The following ARNT2 variants were observed in gnomAD, a reference collection of about 807,000 sequenced individuals.
The protein encoded by ARNT2 is aryl hydrocarbon receptor nuclear translocator 2.
In ARNT2, 36 loss-of-function variants were observed where a neutral mutation model predicts 91.7. The observed-to-expected ratio is 0.39, with a 90% CI of 0.30 to 0.52. ARNT2 has a LOEUF of 0.52. ARNT2 is among the 20% of genes least tolerant of loss of function. ARNT2 has a pLI of 0.72. For synonymous variants in ARNT2, 365 were observed against 347.1 expected, an observed-to-expected ratio of 1.05 and a Z score of -0.57; for missense variants, 775 against 939.3, an observed-to-expected ratio of 0.83 and a Z score of 2.29.
intron 8 of ARNT2, among the ~76,000 whole-genome samples, chr15:80,550,350 G>C (rs1468743923): frequency 6.6e-6 from 1 of 152,162 alleles, no homozygotes; most frequent in Non-Finnish European, 1.5e-5. Flanking sequence ...GTGAGGGGCT[G>C]TCACTGTACT....
Position 80,450,894 on chromosome 15 carries a change from A to C in ARNT2, c.46A>C (p.Ile16Leu). 6.2e-7 allele frequency: 1 copy of C among 1,614,220 alleles called. No individual in the cohort carries two copies. The highest frequency in any genetic ancestry group is 8.5e-7 in the Non-Finnish European group (1 of 1,180,038). The change falls in exon 2 of 19, where the codon ATA (isoleucine) becomes CTA (leucine). Residue 16 changes from isoleucine (I) to leucine (L), a missense_variant. Physicochemically the swap from Ile to Leu is conservative, Grantham distance 5 (BLOSUM62 2). Coordinates refer to ENST00000303329, the MANE Select transcript of ARNT2 (RefSeq NM_014862.4). ...AVNPPEMASD[I>L]PGSVTLPVAP... The stretch of plus-strand genomic sequence containing the variant: ...CTGAATTCCAGAAATGGCTTCAGAC[A>C]TACCTGGATCTGTGACGTTGCCCGT...
intron 4 of ARNT2, among the ~76,000 whole-genome samples, chr15:80,474,197 G>A (rs1382188561): frequency 6.6e-6 from 1 of 152,142 alleles, no homozygotes; most frequent in African/African-American, 2.4e-5. Context: ...CCCCATCCAC[G>A]TCCTTCTGAG....
At chr15:80,421,411 G>A (rs79609672) in intron 1 of ARNT2, among the ~76,000 whole-genome samples, 3 of 69,642 alleles carry the variant, frequency 4.3e-5, no homozygotes, top group African/African-American at 5.4e-5. Context: ...AGAAAAGAAA[G>A]GAAGGAAAGG....
At chr15:80,580,328 G>A (rs1003785761) in intron 15 of ARNT2, 83 bp from the exon 16 acceptor site, 3 of 1,534,670 alleles carry the variant, frequency 2.0e-6, no homozygotes, top group Non-Finnish European at 2.7e-6. Context: ...GATGGCCCAG[G>A]GCAGATTGTG....
intron 8 of ARNT2, among the ~76,000 whole-genome samples, chr15:80,548,780 T>C (rs1183531542): frequency 1.3e-5 from 2 of 152,158 alleles, no homozygotes; most frequent in East Asian, 3.8e-4. Flanking sequence ...GAAAACATCC[T>C]TTGTTCTTGG....
chr15:80,515,352 A>C (rs1238965506), intron 8 of ARNT2, among the ~76,000 whole-genome samples: 1 of 152,254 alleles, frequency 6.6e-6, no homozygotes, highest in African/African-American at 2.4e-5. Context: ...CCAAGTGATG[A>C]ATAGATAAAT....
At chr15:80,433,651 T>C (rs1896045108) in intron 1 of ARNT2, 1 of 152,212 alleles carries the variant, frequency 6.6e-6, no homozygotes, top group African/African-American at 2.4e-5. Flanking sequence ...GATACCATTT[T>C]GTTACTGGAG....
chr15:80,494,323 C>T (rs893055676), intron 5 of ARNT2, among the ~76,000 whole-genome samples: 18 of 152,208 alleles, frequency 1.2e-4, no homozygotes, highest in African/African-American at 3.9e-4. Context: ...TAGCAAACTG[C>T]GAAGGAGGGA....
chr15:80,578,829 G>A (rs1898735456), intron 15 of ARNT2, among the ~76,000 whole-genome samples: 3 of 152,218 alleles, frequency 2.0e-5, no homozygotes, highest in East Asian at 1.9e-4. Context: ...TAGGGCTAAA[G>A]CCTGTGGAAT....
intron 1 of ARNT2, among the ~76,000 whole-genome samples, chr15:80,446,696 T>A (rs908727787): frequency 6.6e-6 from 1 of 152,242 alleles, no homozygotes; most frequent in African/African-American, 2.4e-5. Context: ...ATTTACTTTA[T>A]AGGGTGGATG....
rs114590247 is a variant in ARNT2 at position 80,513,485 on chromosome 15, T to C, written c.726-426T>C. Among the ~76,000 whole-genome samples, 942 of 152,328 alleles carry C rather than the reference T, an allele frequency of 6.2e-3. 14 individuals are homozygous for C. The highest frequency in any genetic ancestry group is 0.022 in the African/African-American group (902 of 41,582). ...TGAGAAGATGTTACTGTTCATTAAC[T>C]GGCAACATCTGTTTTAAGTTGATGT... is the stretch of plus-strand genomic sequence containing the variant. On this transcript the variant is annotated intron_variant, in intron 6 of 18. Coordinates refer to ENST00000303329, the MANE Select transcript of ARNT2 (RefSeq NM_014862.4).
chr15:80,528,807 A>G (rs1329891700), intron 8 of ARNT2, among the ~76,000 whole-genome samples: 4 of 152,106 alleles, frequency 2.6e-5, no homozygotes, highest in African/African-American at 9.7e-5. Flanking sequence ...TGCTTTTTAT[A>G]CATCCTGCAG....
chr15:80,569,611 G>C (rs1362910098), intron 12 of ARNT2, among the ~76,000 whole-genome samples: 2 of 152,222 alleles, frequency 1.3e-5, no homozygotes, highest in African/African-American at 4.8e-5. Flanking sequence ...AGAGCAGTTA[G>C]GGTCCTGGGG....
At chr15:80,409,027 C>T (rs1895644901) in intron 1 of ARNT2, among the ~76,000 whole-genome samples, 1 of 152,144 alleles carries the variant, frequency 6.6e-6, no homozygotes, top group African/African-American at 2.4e-5. Context: ...TCAACATTCC[C>T]CAGCAGAGTA....
chr15:80,404,834 A>G lies in ARNT2; in HGVS notation c.31+288A>G, dbSNP rs1895574921. 6.6e-6 allele frequency among the ~76,000 whole-genome samples: 1 copy of G among 152,124 alleles called. No individual in the cohort carries two copies. Among genetic ancestry groups the G allele is most frequent in the Admixed American group, 6.5e-5 (1 of 15,290 alleles). On this transcript the variant is annotated intron_variant, in intron 1 of 18. Transcript: ENST00000303329. The surrounding 1 kb of genome is among the most constrained non-coding windows in gnomAD (Gnocchi z 5.5). ...CGAAGGGCAGGCCCGGGAGCCCCCG[A>G]AGTTCTGAAAATAACCGCCTTTGCC...
At chr15:80,444,233 G>A (rs1896246387) in intron 1 of ARNT2, 1 of 154,042 alleles carries the variant, frequency 6.5e-6, no homozygotes, top group South Asian at 2.0e-4. Flanking sequence ...GGGCTGTGGG[G>A]TCCCAGGGCT....
At chr15:80,559,396 T>C (rs1376532158) in intron 11 of ARNT2, among the ~76,000 whole-genome samples, 1 of 152,176 alleles carries the variant, frequency 6.6e-6, no homozygotes, top group African/African-American at 2.4e-5. Flanking sequence ...AGGGACATCC[T>C]GGAGCACACC....
chr15:80,539,517 G>T (rs775554980), intron 8 of ARNT2, among the ~76,000 whole-genome samples: 4 of 151,924 alleles, frequency 2.6e-5, no homozygotes, highest in Admixed American at 2.6e-4. Context: ...ATATTAGAAG[G>T]GTTCTCAAAA....
chr15:80,580,677 A>C (rs540245770), intron 16 of ARNT2, 128 bp downstream of exon 16: 2 of 1,263,334 alleles, frequency 1.6e-6, no homozygotes, highest in South Asian at 2.9e-5. Context: ...CCCTAACAGC[A>C]GCTGGCTACT....
Sources: allele counts gnomAD v4.1 joint callset (sites outside exome capture counted in the v4.1 genomes callset), GRCh38; gene constraint gnomAD v4.1.1; non-coding constraint Gnocchi (gnomAD v3.1); transcripts MANE v1.5; gene names NCBI Gene and HGNC (gene_info 2026-07-23, HGNC 2026-07-21).